RTN4: variants seen among roughly 807,000 people sequenced by gnomAD.
The protein encoded by RTN4 is reticulon 4.
In RTN4, 32 loss-of-function variants were observed where a neutral mutation model predicts 90.4. The observed-to-expected ratio is 0.35, with a 90% CI of 0.27 to 0.48. The LOEUF (loss-of-function observed/expected upper bound fraction) is 0.48. Among genes scored for constraint, RTN4 ranks in the 20% least tolerant of loss-of-function variants. RTN4 has a pLI of 0.99. For synonymous variants in RTN4, 629 were observed against 552.5 expected, an observed-to-expected ratio of 1.14 and a Z score of -1.94; for missense variants, 1,706 against 1,430.2, an observed-to-expected ratio of 1.19 and a Z score of -3.11.
In RTN4 at chr2:55,097,000, C is replaced by T. The variant is rs559783143; in HGVS notation, c.-214+15520G>A. Among the ~76,000 whole-genome samples, 86 of 151,802 alleles carry T rather than the reference C, an allele frequency of 5.7e-4. No homozygotes were observed. The South Asian group carries it at 6.2e-3, about 11-fold the overall frequency. ...TTTAAAGGGAGCAACTAGGCCAAAG[C>T]CCCTCACTGTGGCCCCAGTACTTAG... On this transcript the variant is annotated intron_variant, in intron 1 of 3. Coordinates refer to the RTN4 transcript ENST00000427710.
chr2:55,047,360 T>C (rs1667817578), intron 1 of RTN4, among the ~76,000 whole-genome samples: 1 of 151,382 alleles, frequency 6.6e-6, no homozygotes, highest in Non-Finnish European at 1.5e-5. Context: ...TGTTTAAAAA[T>C]ATATTTCATA....
intron 3 of RTN4, among the ~76,000 whole-genome samples, chr2:54,999,024 C>T (rs2104736968): frequency 6.6e-6 from 1 of 152,224 alleles, no homozygotes; most frequent in South Asian, 2.1e-4. Flanking sequence ...ATGAATTTAG[C>T]AGTACTTTTC....
At chr2:55,131,171 G>A in the RTN4 span, among the ~76,000 whole-genome samples, 4 of 151,556 alleles carry the variant, frequency 2.6e-5, no homozygotes, top group Admixed American at 2.6e-4. Flanking sequence ...TCCACCTCTT[G>A]GGCTCAAGTG....
chr2:55,125,642 T>C, the RTN4 span, among the ~76,000 whole-genome samples: 1 of 152,160 alleles, frequency 6.6e-6, no homozygotes, highest in East Asian at 1.9e-4. Flanking sequence ...GGCACATGCC[T>C]GTAATTCCAG....
Position 55,026,473 on chromosome 2 carries a change from G to T in RTN4, c.1626C>A (p.Val542=), listed in dbSNP as rs138638032. The T allele has an allele frequency of 1.2e-6, 2 of 1,613,830 alleles. No individual in the cohort carries two copies. The highest frequency in any genetic ancestry group is 2.7e-5 in the African/African-American group (2 of 75,004). The change falls in exon 3 of 9, where the codon GTC becomes GTA. Residue 542 remains valine, a synonymous_variant. Transcript: ENST00000337526. ...TCAGGCCTTCAGGCATGTTTGCCAC[G>T]ACTTCCTCAGTCACCTTTGTTAAAT... ...TDNLTKVTEE[V]VANMPEGLTP...
chr2:55,062,619 A>T (rs1448706393), intron 2 of RTN4, among the ~76,000 whole-genome samples: 6 of 152,250 alleles, frequency 3.9e-5, no homozygotes, highest in Admixed American at 6.5e-5. Flanking sequence ...AGTACTGTGT[A>T]CTTCAAATCA....
intron 1 of RTN4, among the ~76,000 whole-genome samples, chr2:55,080,863 T>C (rs1332273627): frequency 1.3e-5 from 2 of 152,208 alleles, no homozygotes; most frequent in African/African-American, 4.8e-5. Flanking sequence ...TTAATTAAGT[T>C]GATTTGAAAG....
chr2:55,073,267 C>A lies in RTN4; in HGVS notation c.-63+7222G>T, dbSNP rs776290206. Among the ~76,000 whole-genome samples the A allele has an allele frequency of 5.3e-5, 8 of 152,300 alleles. No homozygotes were observed. In the South Asian group the frequency reaches 1.7e-3, roughly 32 times the overall value. On this transcript the variant is annotated intron_variant, in intron 2 of 3. Transcript: ENST00000427710. ...CCTTTAGCTCAATCTCTATTTATTT[C>A]TCTCCGTAAATACCAAACAACCAAG...
intron 5 of RTN4, among the ~76,000 whole-genome samples, chr2:54,981,767 T>A (rs941346046): frequency 1.4e-5 from 2 of 146,754 alleles, no homozygotes; most frequent in African/African-American, 2.5e-5. Flanking sequence ...GAATATTAAA[T>A]CTTATCTAGA....
rs535816914 is a variant in RTN4, at chr2:55,028,199, G to A, written c.578C>T (p.Pro193Leu). ...GCGTATCACAGGCTCAGATGCAGCAGGAAGAGCAAAAAGGGTCTCATCTGA... is the reference window on the plus strand; with the variant it reads ...GCGTATCACAGGCTCAGATGCAGCAAGAAGAGCAAAAAGGGTCTCATCTGA... ...GSVDETLFAL[P>L]AASEPVIRSS... The change falls in exon 2 of 9, where the codon CCT becomes CTT. Residue 193 changes from proline (P) to leucine (L), a missense_variant. By Grantham distance (98) the Pro-to-Leu change is moderately conservative. Transcript: ENST00000337526. 1.9e-6 allele frequency: 3 copies of A among 1,612,578 alleles called. No individual in the cohort carries two copies. The highest frequency in any genetic ancestry group is 2.2e-5 in the East Asian group (1 of 44,836).
rs1317958872 is a variant in RTN4 at position 55,026,650 on chromosome 2, T to C, written c.1449A>G (p.Leu483=). ...TCTTATTTTCTGAAGTAGGATCTCC[T>C]AACAAAGGAAAAATGTTTGTTGCAA... ...ESIATNIFPL[L]GDPTSENKTD... The change falls in exon 3 of 9, where the codon TTA becomes TTG. Residue 483 remains leucine (L), a synonymous_variant. Coordinates refer to ENST00000337526, the MANE Select transcript of RTN4 (RefSeq NM_020532.5). 2.5e-6 allele frequency: 4 copies of C among 1,613,188 alleles called. No individual in the cohort carries two copies. The highest frequency in any genetic ancestry group is 2.5e-6 in the Non-Finnish European group (3 of 1,179,794).
chr2:54,974,602 T>A, intron 6 of RTN4, 93 bp downstream of exon 6: 1 of 1,085,746 alleles, frequency 9.2e-7, no homozygotes, highest in South Asian at 1.3e-5. Context: ...CCCCTACTTT[T>A]CATACAATGA....
intron 1 of RTN4, among the ~76,000 whole-genome samples, chr2:55,034,324 G>A (rs1339973670): frequency 6.6e-6 from 1 of 151,980 alleles, no homozygotes; most frequent in Non-Finnish European, 1.5e-5. Context: ...AACAAAGTGA[G>A]ACCCCAACTC....
At chr2:54,985,074 T>C (rs1678442245) in intron 4 of RTN4, among the ~76,000 whole-genome samples, 1 of 151,572 alleles carries the variant, frequency 6.6e-6, no homozygotes, top group Admixed American at 6.6e-5. Context: ...GGCTTGACAA[T>C]ATTTTTACAT....
chr2:55,071,411 A>G (rs1668510167), intron 2 of RTN4, among the ~76,000 whole-genome samples: 2 of 152,166 alleles, frequency 1.3e-5, no homozygotes, highest in Non-Finnish European at 2.9e-5. Context: ...GTAACCAGAC[A>G]TAACTAAGTC....
chr2:55,030,435 C>T (rs1682220242), intron 1 of RTN4, among the ~76,000 whole-genome samples: 1 of 152,144 alleles, frequency 6.6e-6, no homozygotes, highest in Non-Finnish European at 1.5e-5. Flanking sequence ...AGTTAACTAT[C>T]TTCTGGGACT....
At chr2:55,137,403 CA>C in the RTN4 span, among the ~76,000 whole-genome samples, 1 of 152,154 alleles carries the variant, frequency 6.6e-6, no homozygotes, top group Admixed American at 6.5e-5. Flanking sequence ...ACCAGAACCA[CA>C]CTTTAGGAGA....
chr2:55,061,853 C>T (rs1668299423), intron 2 of RTN4, among the ~76,000 whole-genome samples: 1 of 152,128 alleles, frequency 6.6e-6, no homozygotes. Flanking sequence ...GCCTTGGCGC[C>T]CAAATGTTGC....
In RTN4 at chr2:55,027,426, G is replaced by A; in HGVS notation, c.673C>T (p.Pro225Ser). 6.2e-7 allele frequency: 1 copy of A among 1,613,478 alleles called. No homozygotes were observed. The highest frequency in any genetic ancestry group is 8.5e-7 in the Non-Finnish European group (1 of 1,179,656). ...NTISAGQEDF[P>S]SVLLETAASL... ...GCAGCAGTTTCAAGCAGGACAGATGGGAAATCCTCTTGACCAGCCGAAATA... is the reference window on the plus strand; with the variant it reads ...GCAGCAGTTTCAAGCAGGACAGATGAGAAATCCTCTTGACCAGCCGAAATA... Residue 225 changes from proline (P) to serine (S), a missense_variant, in exon 3 of 9, where the codon CCA (proline) becomes TCA (serine). By Grantham distance (74) the Pro-to-Ser change is moderately conservative (BLOSUM62 -1). Coordinates refer to ENST00000337526, the MANE Select transcript of RTN4 (RefSeq NM_020532.5).
Sources: gnomAD v4.1 joint callset for allele counts (sites outside exome capture counted in the v4.1 genomes callset) on GRCh38, gnomAD v4.1.1 for gene constraint, MANE v1.5 for transcripts, NCBI Gene and HGNC (gene_info 2026-07-23, HGNC 2026-07-21) for gene names.